AMBRA1: variants seen among roughly 807,000 people sequenced by gnomAD.
AMBRA1 encodes the protein activating molecule in BECN1-regulated autophagy protein 1.
AMBRA1 carries 47 observed loss-of-function variants against 125.4 expected under a neutral mutation model. The ratio of observed to expected loss-of-function variants is 0.37; its 90% CI spans 0.30 to 0.48. The LOEUF (loss-of-function observed/expected upper bound fraction) is 0.48, where lower values mean the gene tolerates loss of function less well. Ranked by LOEUF, AMBRA1 falls within the 20% of genes least tolerant of loss-of-function variation. The probability of loss-of-function intolerance (pLI) is 0.99; values close to 1 mark genes in which losing one functional copy is unlikely to be tolerated. For missense variants in AMBRA1, 1,331 were observed against 1,693.4 expected (o/e 0.79, Z 3.76); for synonymous variants, 626 against 655.5 (o/e 0.95, Z 0.69).
At chr11:46,589,347 A>G (rs1372569749) in intron 1 of AMBRA1, among the ~76,000 whole-genome samples, 1 of 152,238 alleles carries the variant, frequency 6.6e-6, no homozygotes, top group East Asian at 1.9e-4. Flanking sequence ...GCTGTACCAC[A>G]GCATTTCTAT....
chr11:46,509,236 T>C (rs1402648570), intron 8 of AMBRA1, among the ~76,000 whole-genome samples: 1 of 152,200 alleles, frequency 6.6e-6, no homozygotes, highest in Non-Finnish European at 1.5e-5. Context: ...TGCTACTCCA[T>C]GAAAACTCCT....
At chr11:46,507,380 G>A (rs1951084001) in intron 9 of AMBRA1, among the ~76,000 whole-genome samples, 2 of 151,360 alleles carry the variant, frequency 1.3e-5, no homozygotes, top group African/African-American at 2.4e-5. Flanking sequence ...TCAGGAGGCT[G>A]AGGCAGGAGA....
intron 14 of AMBRA1, chr11:46,428,678 C>A: frequency 1.2e-6 from 2 of 1,600,764 alleles, no homozygotes; most frequent in Non-Finnish European, 1.7e-6. Flanking sequence ...ACCACGTCCA[C>A]GACCAAATCC....
At chr11:46,496,617 C>A (rs971370057) in intron 9 of AMBRA1, among the ~76,000 whole-genome samples, 1 of 152,134 alleles carries the variant, frequency 6.6e-6, no homozygotes, top group Non-Finnish European at 1.5e-5. Flanking sequence ...CTGGACAGTA[C>A]TGAGCAGTTG....
chr11:46,437,736 A>G (rs1231496292), intron 12 of AMBRA1, among the ~76,000 whole-genome samples: 4 of 152,214 alleles, frequency 2.6e-5, no homozygotes. Context: ...TTACTTGTTT[A>G]TTTAGGCCAC....
intron 11 of AMBRA1, among the ~76,000 whole-genome samples, chr11:46,483,006 C>T (rs1950132400): frequency 7.1e-6 from 1 of 140,712 alleles, no homozygotes; most frequent in African/African-American, 2.7e-5. Context: ...GAGACTCTGT[C>T]TCAAAAAAAA....
At position 46,543,268 on chromosome 11, in the gene AMBRA1, C is replaced by T. The variant is rs770834624; in HGVS notation, c.749G>A (p.Arg250His). 1.3e-5 allele frequency: 21 copies of T among 1,613,796 alleles called. No homozygotes were observed. The highest frequency in any genetic ancestry group is 1.7e-5 in the Non-Finnish European group (20 of 1,179,976). Reference sequence around the variant, plus strand: ...CTCTCCCACCTGGATGCCAGAAGAGCGGGAGGACAGCATGTGCAGGAAATT... The same window carrying T: ...CTCTCCCACCTGGATGCCAGAAGAGTGGGAGGACAGCATGTGCAGGAAATT... ...LHNFLHMLSS[R>H]SSGIQVGEQS... Residue 250 changes from arginine (R) to histidine (H), a missense_variant, in exon 7 of 18, where the codon CGC becomes CAC. Physicochemically the swap from Arg to His is conservative, Grantham distance 29. Transcript: ENST00000683756.
intron 9 of AMBRA1, chr11:46,494,542 A>G (rs1950568176): frequency 5.3e-6 from 1 of 187,452 alleles, no homozygotes; most frequent in African/African-American, 2.3e-5. Context: ...AAGATGCAAG[A>G]AAAATGTGTC....
intron 8 of AMBRA1, among the ~76,000 whole-genome samples, chr11:46,511,419 T>C (rs1399423786): frequency 6.6e-6 from 1 of 152,216 alleles, no homozygotes; most frequent in East Asian, 1.9e-4. Flanking sequence ...TGAAGAATCT[T>C]TGCACCAGTA....
At chr11:46,445,960 C>G (rs777248016) in intron 11 of AMBRA1, among the ~76,000 whole-genome samples, 3 of 152,154 alleles carry the variant, frequency 2.0e-5, no homozygotes, top group Non-Finnish European at 2.9e-5. Flanking sequence ...ATACCAGATG[C>G]TTTTTGAGTA....
intron 1 of AMBRA1, among the ~76,000 whole-genome samples, chr11:46,574,724 C>T (rs1384472129): frequency 1.3e-5 from 2 of 152,192 alleles, no homozygotes; most frequent in African/African-American, 4.8e-5. Context: ...TCATGGCCAA[C>T]TCTTGGGCAC....
Position 46,542,795 on chromosome 11 carries a change from G to C in AMBRA1, c.1222C>G (p.Arg408Gly). 1 of 1,614,096 alleles carries C rather than the reference G, an allele frequency of 6.2e-7. No homozygotes were observed. Among genetic ancestry groups the C allele is most frequent in the African/African-American group, 1.3e-5 (1 of 75,024 alleles). The change falls in exon 7 of 18, where the codon CGA becomes GGA. Residue 408 changes from arginine to glycine, a missense_variant. Physicochemically the swap from Arg to Gly is moderately radical, Grantham distance 125 (BLOSUM62 -2). Around this residue, in one of 4 missense-constraint regions of AMBRA1, gnomAD observed 689 missense variants for 776.5 expected, o/e 0.89. Coordinates refer to ENST00000683756, the MANE Select transcript of AMBRA1 (RefSeq NM_001387011.1). The surrounding 1 kb of genome is among the most constrained non-coding windows in gnomAD (Gnocchi z 5.9). ...CCTGTCAACCCAGGAGCTATTTCTCGGTGATACCTAGAAGGGTGGCTAGAC... is the reference window on the plus strand; with the variant it reads ...CCTGTCAACCCAGGAGCTATTTCTCCGTGATACCTAGAAGGGTGGCTAGAC... ...PLSSHPSRYH[R>G]EIAPGLTGSE...
chr11:46,563,616 G>C (rs895563484), intron 1 of AMBRA1, among the ~76,000 whole-genome samples: 3 of 152,138 alleles, frequency 2.0e-5, no homozygotes, highest in African/African-American at 7.2e-5. Context: ...GAGGCGGCCA[G>C]ATCACTTGAA....
At chr11:46,518,386 C>A (rs970572430) in intron 7 of AMBRA1, 17 of 169,190 alleles carry the variant, frequency 1.0e-4, no homozygotes, top group Non-Finnish European at 1.8e-4. Flanking sequence ...GCCAAGATAG[C>A]GCCGCTGTAC....
chr11:46,581,395 T>C (rs140864621), intron 1 of AMBRA1, among the ~76,000 whole-genome samples: 2,841 of 151,886 alleles, frequency 0.019, 95 homozygotes, highest in African/African-American at 0.065. Context: ...GATCACGAAG[T>C]CAGGAGATCG....
rs753950470 is a variant in AMBRA1 at position 46,548,328 on chromosome 11, C to T, written c.53G>A (p.Arg18Gln). The T allele has an allele frequency of 1.3e-5, 21 of 1,614,142 alleles. No homozygotes were observed. The highest frequency in any genetic ancestry group is 3.3e-5 in the Admixed American group (2 of 60,014). ...NAVRILWGRE[R>Q]GARAMGAQRL... Reference sequence around the variant, plus strand: ...CTGAGCTCCCATGGCCCGAGCACCCCGTTCTCGCCCCCAGAGTATCCGGAC... The same window carrying T: ...CTGAGCTCCCATGGCCCGAGCACCCTGTTCTCGCCCCCAGAGTATCCGGAC... The change falls in exon 2 of 18, where the codon CGG (arginine) becomes CAG (glutamine). Residue 18 changes from arginine to glutamine, a missense_variant. Around this residue, in one of 4 missense-constraint regions of AMBRA1, gnomAD observed 144 missense variants for 250.4 expected, o/e 0.58. Transcript: ENST00000683756.
intron 9 of AMBRA1, among the ~76,000 whole-genome samples, chr11:46,505,256 T>C (rs1237044454): frequency 1.3e-5 from 2 of 152,216 alleles, no homozygotes; most frequent in African/African-American, 2.4e-5. Context: ...AAAATTAAAA[T>C]GTGCTGGTAC....
intron 11 of AMBRA1, among the ~76,000 whole-genome samples, chr11:46,472,159 C>G (rs1046851701): frequency 6.6e-6 from 1 of 152,338 alleles, no homozygotes; most frequent in East Asian, 1.9e-4. Context: ...CTCCTTACTG[C>G]TGCTGTGACC....
At chr11:46,556,093 C>T (rs1169314007) in intron 1 of AMBRA1, among the ~76,000 whole-genome samples, 1 of 152,232 alleles carries the variant, frequency 6.6e-6, no homozygotes, top group Non-Finnish European at 1.5e-5. Context: ...AAATTAACTA[C>T]AAAATTTCAG....
Sources: allele counts gnomAD v4.1 joint callset (sites outside exome capture counted in the v4.1 genomes callset), GRCh38; gene constraint gnomAD v4.1.1; regional missense constraint gnomAD v4.1.1; non-coding constraint Gnocchi (gnomAD v3.1); transcripts MANE v1.5; gene names NCBI Gene and HGNC (gene_info 2026-07-23, HGNC 2026-07-21).